The following SND1 variants were observed in gnomAD, a reference collection of about 807,000 sequenced individuals.
SND1 encodes staphylococcal nuclease domain-containing protein 1.
A neutral mutation model predicts 121.7 loss-of-function variants in SND1; 38 were observed. The ratio of observed to expected loss-of-function variants is 0.31; its 90% confidence interval spans 0.24 to 0.41. SND1 has a LOEUF of 0.41. Among genes scored for constraint, SND1 ranks in the 10% least tolerant of loss-of-function variants. The pLI, the probability that SND1 is intolerant of heterozygous loss-of-function variation, is 1.00. For missense variants in SND1, 868 were observed against 1,184.6 expected, an observed-to-expected ratio of 0.73 and a Z score of 3.92; for synonymous variants, 401 against 447.4, an observed-to-expected ratio of 0.90 and a Z score of 1.31.
intron 11 of SND1, among the ~76,000 whole-genome samples, chr7:127,819,543 A>C (rs944817183): frequency 1.3e-5 from 2 of 152,212 alleles, no homozygotes; most frequent in Admixed American, 1.3e-4. Context: ...GCCACCATAA[A>C]GAGGCAGGTG....
chr7:127,727,603 A>G (rs1040750386), intron 10 of SND1, among the ~76,000 whole-genome samples: 1 of 152,122 alleles, frequency 6.6e-6, no homozygotes, highest in African/African-American at 2.4e-5. Context: ...CAAATAGCAA[A>G]TTAGAGAGGG....
intron 15 of SND1, among the ~76,000 whole-genome samples, chr7:127,950,343 A>G (rs1013855247): frequency 2.0e-5 from 3 of 152,244 alleles, no homozygotes; most frequent in Admixed American, 6.5e-5. Flanking sequence ...AACTTGCTAG[A>G]TAAATGAAAC....
intron 16 of SND1, among the ~76,000 whole-genome samples, chr7:128,057,930 G>A (rs1793169492): frequency 6.6e-6 from 1 of 152,188 alleles, no homozygotes; most frequent in East Asian, 1.9e-4. Flanking sequence ...AATGAGACTA[G>A]AGACACAAAT....
intron 10 of SND1, among the ~76,000 whole-genome samples, chr7:127,729,282 A>G (rs1044423637): frequency 2.6e-5 from 4 of 151,952 alleles, no homozygotes; most frequent in Non-Finnish European, 5.9e-5. Context: ...TGAGGGGTAT[A>G]TATATATATT....
intron 12 of SND1, among the ~76,000 whole-genome samples, chr7:127,862,404 C>T (rs1040938744): frequency 1.3e-5 from 2 of 152,134 alleles, no homozygotes. Context: ...TCCCCATTTG[C>T]AGCATAATTT....
intron 10 of SND1, among the ~76,000 whole-genome samples, chr7:127,792,861 A>C (rs1052684796): frequency 3.9e-5 from 6 of 152,200 alleles, no homozygotes; most frequent in African/African-American, 1.4e-4. Context: ...AGGAAGAAGT[A>C]GTGCTCTGGA....
chr7:128,075,608 C>G (rs1402158100), intron 17 of SND1, among the ~76,000 whole-genome samples: 2 of 152,242 alleles, frequency 1.3e-5, no homozygotes, highest in African/African-American at 4.8e-5. Flanking sequence ...CTGGGTCTCT[C>G]TCTATCTATT....
chr7:127,927,125 G>A (rs536222295), intron 14 of SND1, among the ~76,000 whole-genome samples: 10 of 152,170 alleles, frequency 6.6e-5, no homozygotes, highest in Admixed American at 4.6e-4. Flanking sequence ...AAGTAGGTAA[G>A]AGTTTAGCAA....
At chr7:127,715,331 A>G (rs952031042) in intron 9 of SND1, among the ~76,000 whole-genome samples, 3 of 152,142 alleles carry the variant, frequency 2.0e-5, no homozygotes, top group African/African-American at 7.2e-5. Flanking sequence ...TTGAAAAAGA[A>G]ATTTCAACTT....
intron 10 of SND1, among the ~76,000 whole-genome samples, chr7:127,780,564 A>C (rs904532436): frequency 1.4e-5 from 2 of 138,164 alleles, no homozygotes; most frequent in Non-Finnish European, 3.3e-5. Context: ...TTGACACCTA[A>C]GATTTGGACT....
intron 12 of SND1, among the ~76,000 whole-genome samples, chr7:127,866,115 T>C (rs921942717): frequency 4.6e-5 from 7 of 152,182 alleles, no homozygotes; most frequent in African/African-American, 1.7e-4. Context: ...ACTCAACAAA[T>C]TGGAGTCTTC....
At chr7:128,003,589 C>T (rs959112305) in intron 16 of SND1, among the ~76,000 whole-genome samples, 3 of 152,196 alleles carry the variant, frequency 2.0e-5, no homozygotes, top group African/African-American at 4.8e-5. Flanking sequence ...ATAATGCTTG[C>T]GGTGCTGGGG....
intron 12 of SND1, among the ~76,000 whole-genome samples, chr7:127,862,165 C>T (rs1799391795): frequency 6.6e-6 from 1 of 152,172 alleles, no homozygotes; most frequent in Non-Finnish European, 1.5e-5. Flanking sequence ...TTTTCCTAGT[C>T]TGCTAAAGGC....
chr7:127,746,065 AAC>A (rs1796975728), intron 10 of SND1, among the ~76,000 whole-genome samples: 1 of 152,168 alleles, frequency 6.6e-6, no homozygotes, highest in African/African-American at 2.4e-5. Context: ...GATTTTTGAC[AAC>A]ACAGAACACT....
chr7:127,889,335 G>A (rs1048832327), intron 13 of SND1, among the ~76,000 whole-genome samples: 4 of 151,514 alleles, frequency 2.6e-5, no homozygotes, highest in Non-Finnish European at 5.9e-5. Context: ...GATTTCTCAT[G>A]ATCTTGGTTC....
In SND1 at chr7:127,686,590, TTC is replaced by T. The variant is rs1409102909; in HGVS notation, c.79-19_79-18del. 28 of 1,608,418 alleles carry T rather than the reference TTC, an allele frequency of 1.7e-5. No individual in the cohort carries two copies. In the East Asian group the frequency reaches 3.6e-4, roughly 21 times the overall value. ...TGATACGGCCTCTGGACCATTCATT[TTC>T]TCTTTCTTCCCCCTACGTAGGTCCT... On this transcript the variant is annotated intron_variant, in intron 1 of 23. Coordinates refer to ENST00000354725, the MANE Select transcript of SND1 (RefSeq NM_014390.4).
At chr7:127,899,837 A>G (rs893484412) in intron 13 of SND1, among the ~76,000 whole-genome samples, 1 of 152,206 alleles carries the variant, frequency 6.6e-6, no homozygotes, top group Non-Finnish European at 1.5e-5. Flanking sequence ...AAAAGGGCCA[A>G]GTGAGCACAA....
intron 12 of SND1, among the ~76,000 whole-genome samples, chr7:127,883,350 T>C (rs1799831666): frequency 6.6e-6 from 1 of 152,136 alleles, no homozygotes; most frequent in Non-Finnish European, 1.5e-5. Flanking sequence ...TTTGATCATA[T>C]TTTTGCCTGC....
chr7:127,835,644 A>G (rs1798853964), intron 11 of SND1, among the ~76,000 whole-genome samples: 1 of 152,126 alleles, frequency 6.6e-6, no homozygotes, highest in East Asian at 1.9e-4. Context: ...TGATAAAATA[A>G]TGAGTAAGAT....
Sources: allele counts gnomAD v4.1 joint callset (sites outside exome capture counted in the v4.1 genomes callset), GRCh38; gene constraint gnomAD v4.1.1; transcripts MANE v1.5; gene names NCBI Gene and HGNC (gene_info 2026-07-23, HGNC 2026-07-21).